DERA: variants seen among roughly 807,000 people sequenced by gnomAD.
DERA encodes 2-deoxy-D-ribose 5-phosphate aldolase.
DERA carries 15 observed loss-of-function variants against 41.1 expected under a neutral mutation model. The ratio of observed to expected loss-of-function variants is 0.37; its 90% confidence interval spans 0.24 to 0.56. The LOEUF (loss-of-function observed/expected upper bound fraction) is 0.56, where lower values mean the gene tolerates loss of function less well. DERA is among the 20% of genes least tolerant of loss of function. The pLI is 0.81. For synonymous variants in DERA, 139 were observed against 137.4 expected (o/e 1.01, Z -0.08); for missense variants, 396 against 403.4 (o/e 0.98, Z 0.16).
In DERA at chr12:16,036,454, A is replaced by G. The variant is rs1949129733; in HGVS notation, c.900+73A>G. 1 of 1,488,378 alleles carries G rather than the reference A, an allele frequency of 6.7e-7. No individual in the cohort carries two copies. The highest frequency in any genetic ancestry group is 1.4e-5 in the African/African-American group (1 of 70,784). 92.2% of individuals were successfully genotyped at this position (1,488,378 alleles called of 1,614,324 possible). A position where few individuals can be genotyped will look rare whatever the true frequency, so the allele number is the denominator to read the frequency against. On this transcript the variant is annotated intron_variant, in intron 8 of 8. Transcript: ENST00000428559. The surrounding 1 kb of genome is among the most constrained non-coding windows in gnomAD (Gnocchi z 4.9). ...AGAAAGGAATTGAAAAGTCAAATTGAGAACTGGAGATAAAAACTCATCTGA... is the reference window on the plus strand; with the variant it reads ...AGAAAGGAATTGAAAAGTCAAATTGGGAACTGGAGATAAAAACTCATCTGA...
At chr12:16,029,697 G>A (rs1184560341) in intron 6 of DERA, among the ~76,000 whole-genome samples, 1 of 151,944 alleles carries the variant, frequency 6.6e-6, no homozygotes, top group African/African-American at 2.4e-5. Context: ...CGTCCAGAAA[G>A]GGGCATAGAC....
rs1222337253 is a variant in DERA, at chr12:15,959,910, T to A, written c.359T>A (p.Ile120Asn). The A allele has an allele frequency of 6.5e-7, 1 of 1,546,902 alleles. No homozygotes were observed. Among genetic ancestry groups the A allele is most frequent in the Admixed American group, 2.0e-5 (1 of 51,148 alleles). The change falls in exon 4 of 9, where the codon ATC becomes AAC. Residue 120 changes from isoleucine (I) to asparagine (N), a missense_variant. Physicochemically the swap from Ile to Asn is moderately radical, Grantham distance 149. Coordinates refer to ENST00000428559, the MANE Select transcript of DERA (RefSeq NM_015954.4). The surrounding 1 kb of genome is among the most constrained non-coding windows in gnomAD (Gnocchi z 4.5). ...GCACTCAAGGCTGCAGGCTGTAATA[T>A]CCCTGTGGCATCAGGTAAAATGTGT... ...VKALKAAGCN[I>N]PVASVAAGFP... is the part of the protein sequence containing the mutation.
chr12:15,980,514 A>G (rs976712396), intron 5 of DERA, among the ~76,000 whole-genome samples: 36 of 152,158 alleles, frequency 2.4e-4, no homozygotes, highest in African/African-American at 8.4e-4. Context: ...CATCCAATTC[A>G]TTCTCTGAAT....
intron 5 of DERA, among the ~76,000 whole-genome samples, chr12:15,971,539 G>C (rs1211624746): frequency 9.6e-6 from 1 of 104,706 alleles, no homozygotes; most frequent in East Asian, 3.0e-4. Flanking sequence ...TTTTTGAGAT[G>C]GAGTTTCATT....
In DERA at chr12:15,911,435, C is replaced by T. The variant is rs1267554921; in HGVS notation, c.31+21C>T. The T allele has an allele frequency of 7.1e-7, 1 of 1,411,414 alleles. No homozygotes were observed. The highest frequency in any genetic ancestry group is 3.2e-5 in the Admixed American group (1 of 31,040). 87.4% of individuals were successfully genotyped at this position (1,411,414 alleles called of 1,614,324 possible). On this transcript the variant is annotated intron_variant, in intron 1 of 8. Transcript: ENST00000428559. This position sits in a 1 kb window ranked among gnomAD's most constrained non-coding sequence, Gnocchi z 4.5. ...GCTCGGTAAGGGGCCCGCGGGGCTC[C>T]CCATCCCCTCTCCCTCGCGTTCAGC...
chr12:16,024,360 A>G (rs1463542924), intron 6 of DERA, among the ~76,000 whole-genome samples: 1 of 152,226 alleles, frequency 6.6e-6, no homozygotes, highest in East Asian at 1.9e-4. Context: ...ATTATAGTCA[A>G]ATTGAAGAAA....
At position 15,911,741 on chromosome 12, in the gene DERA, A is replaced by C; in HGVS notation, c.31+327A>C. ...CCAAAAAACAAAACCCAAAACAAAC[A>C]ACCCCCAAGCAGGTAAAAACAGATA... On this transcript the variant is annotated intron_variant, in intron 1 of 8. Coordinates refer to ENST00000428559, the MANE Select transcript of DERA (RefSeq NM_015954.4). The surrounding 1 kb of genome is among the most constrained non-coding windows in gnomAD (Gnocchi z 4.5). 3.4e-6 allele frequency: 2 copies of C among 596,000 alleles called. No individual in the cohort carries two copies. Among genetic ancestry groups the C allele is most frequent in the African/African-American group, 1.8e-5 (1 of 54,718 alleles). 36.9% of individuals were successfully genotyped at this position (596,000 alleles called of 1,614,324 possible). A position where few individuals can be genotyped will look rare whatever the true frequency, so the allele number is the denominator to read the frequency against.
At position 15,931,178 on chromosome 12, in the gene DERA, C is replaced by T. The variant is rs1360356715; in HGVS notation, c.31+19764C>T. Among the ~76,000 whole-genome samples, 2 of 152,178 alleles carry T rather than the reference C, an allele frequency of 1.3e-5. No individual in the cohort carries two copies. Among genetic ancestry groups the T allele is most frequent in the Non-Finnish European group, 2.9e-5 (2 of 68,022 alleles). On this transcript the variant is annotated intron_variant, in intron 1 of 8. Coordinates refer to ENST00000428559, the MANE Select transcript of DERA (RefSeq NM_015954.4). The surrounding 1 kb of genome is among the most constrained non-coding windows in gnomAD (Gnocchi z 4.6). ...GTATTCTTGCAGTCACTCTAACTTG[C>T]GTGACTAGCACAACATCCAGCATAA...
chr12:15,968,011 G>T lies in DERA; in HGVS notation c.508+5064G>T, dbSNP rs1195985942. ...TTCTAAATGGGGAAAATCCCTCCAG[G>T]TGATTTTGTTCTCCTTCCCCACCAG... On this transcript the variant is annotated intron_variant, in intron 5 of 8. Coordinates refer to ENST00000428559, the MANE Select transcript of DERA (RefSeq NM_015954.4). Among the ~76,000 whole-genome samples, 4 of 151,950 alleles carry T rather than the reference G, an allele frequency of 2.6e-5. No individual in the cohort carries two copies. The East Asian group carries it at 7.7e-4, about 29-fold the overall frequency.
chr12:15,933,415 C>T (rs937710595), intron 1 of DERA, among the ~76,000 whole-genome samples: 7 of 152,112 alleles, frequency 4.6e-5, no homozygotes, highest in Non-Finnish European at 8.8e-5. Context: ...TTTCCCATTT[C>T]CTATTTTATT....
rs1374349487 is a variant in DERA at position 15,990,919 on chromosome 12, T to C, written c.637+8483T>C. Among the ~76,000 whole-genome samples, 3 of 152,146 alleles carry C rather than the reference T, an allele frequency of 2.0e-5. No homozygotes were observed. Among genetic ancestry groups the C allele is most frequent in the Admixed American group, 6.5e-5 (1 of 15,272 alleles). ...TGTGAGTATTGCTGCGATGAACATATGCATACATGTGTCTTTACAATAGAA... is the reference window on the plus strand; with the variant it reads ...TGTGAGTATTGCTGCGATGAACATACGCATACATGTGTCTTTACAATAGAA... On this transcript the variant is annotated intron_variant, in intron 6 of 8. Coordinates refer to ENST00000428559, the MANE Select transcript of DERA (RefSeq NM_015954.4). This position sits in a 1 kb window ranked among gnomAD's most constrained non-coding sequence, Gnocchi z 4.3.
chr12:15,930,728 C>CA (rs1362454179), intron 1 of DERA, among the ~76,000 whole-genome samples: 2 of 152,066 alleles, frequency 1.3e-5, no homozygotes, highest in Non-Finnish European at 2.9e-5. Context: ...AGTATGAACT[C>CA]ACAAACTTCA....
At chr12:15,927,198 C>T (rs1167514191) in intron 1 of DERA, among the ~76,000 whole-genome samples, 1 of 152,170 alleles carries the variant, frequency 6.6e-6, no homozygotes, top group Non-Finnish European at 1.5e-5. Context: ...TTAATATTTA[C>T]TGATTACTTA....
rs1016407266 is a variant in DERA at position 16,000,756 on chromosome 12, T to G, written c.637+18320T>G. On this transcript the variant is annotated intron_variant, in intron 6 of 8. Transcript: ENST00000428559. This position sits in a 1 kb window ranked among gnomAD's most constrained non-coding sequence, Gnocchi z 4.8. The stretch of plus-strand genomic sequence containing the variant: ...TGATATTAACATTCTAGTGAATAAT[T>G]AAAATATTCCTGTTTATTTTTTAAT... 6.6e-6 allele frequency among the ~76,000 whole-genome samples: 1 copy of G among 152,202 alleles called. No individual in the cohort carries two copies. Among genetic ancestry groups the G allele is most frequent in the African/African-American group, 2.4e-5 (1 of 41,466 alleles).
rs78370980 is a variant in DERA at position 15,933,246 on chromosome 12, T to C, written c.31+21832T>C. On this transcript the variant is annotated intron_variant, in intron 1 of 8. Transcript: ENST00000428559. Reference sequence around the variant, plus strand: ...TTTAATTTTTTGAGGAACCTCTATATACCATTCTTCATAATGGCTATACTA... The same window carrying C: ...TTTAATTTTTTGAGGAACCTCTATACACCATTCTTCATAATGGCTATACTA... Among the ~76,000 whole-genome samples, 1,125 of 152,316 alleles carry C rather than the reference T, an allele frequency of 7.4e-3. 22 individuals carry two copies. Among genetic ancestry groups the C allele is most frequent in the African/African-American group, 0.026 (1,093 of 41,568 alleles).
intron 5 of DERA, among the ~76,000 whole-genome samples, chr12:15,978,360 A>G (rs1948712555): frequency 6.6e-6 from 1 of 152,118 alleles, no homozygotes; most frequent in Non-Finnish European, 1.5e-5. Context: ...AGTGCTTGCT[A>G]TTTTTTGTTC....
rs1409349316 is a variant in DERA, at chr12:15,984,861, TA to T, written c.637+2426del. Reference sequence around the variant, plus strand: ...ACTTGAAATATTTTGAAATATTTTTTATATTCTTGTCCCAATTTTATATGTA... The same window carrying T: ...ACTTGAAATATTTTGAAATATTTTTTTATTCTTGTCCCAATTTTATATGTA... On this transcript the variant is annotated intron_variant, in intron 6 of 8. Transcript: ENST00000428559. The surrounding 1 kb of genome is among the most constrained non-coding windows in gnomAD (Gnocchi z 4.5). 6.6e-6 allele frequency among the ~76,000 whole-genome samples: 1 copy of T among 152,256 alleles called. No individual in the cohort carries two copies. The highest frequency in any genetic ancestry group is 2.4e-5 in the African/African-American group (1 of 41,474).
At chr12:15,964,370 C>A (rs1478755876) in intron 5 of DERA, among the ~76,000 whole-genome samples, 1 of 152,116 alleles carries the variant, frequency 6.6e-6, no homozygotes, top group African/African-American at 2.4e-5. Context: ...ACCCCACTGC[C>A]CCCCAAGTTC....
rs1486242454 is a variant in DERA at position 15,993,000 on chromosome 12, C to A, written c.637+10564C>A. ...AGAGTACTAACACAAAAATATGGGG[C>A]TTGAGAAAAGCAGACCTTGAAGGAA... On this transcript the variant is annotated intron_variant, in intron 6 of 8. Transcript: ENST00000428559. The surrounding 1 kb of genome is among the most constrained non-coding windows in gnomAD (Gnocchi z 4.3). Among the ~76,000 whole-genome samples the A allele has an allele frequency of 6.6e-6, 1 of 152,056 alleles. No individual in the cohort carries two copies. The highest frequency in any genetic ancestry group is 1.5e-5 in the Non-Finnish European group (1 of 67,990).
Sources: gnomAD v4.1 joint callset for allele counts (sites outside exome capture counted in the v4.1 genomes callset) on GRCh38, gnomAD v4.1.1 for gene constraint, Gnocchi (gnomAD v3.1) non-coding constraint, MANE v1.5 for transcripts, NCBI Gene and HGNC (gene_info 2026-07-23, HGNC 2026-07-21) for gene names.